Variants in EMID1 observed in about 807,000 individuals in gnomAD.
EMID1 encodes the protein EMI domain containing 1, also known as EMI domain-containing protein 1.
A neutral mutation model predicts 60.6 loss-of-function variants in EMID1; 40 were observed. The observed-to-expected ratio is 0.66, with a 90% CI of 0.51 to 0.86. The LOEUF is 0.86. Among genes scored for constraint, EMID1 ranks in the 40% least tolerant of loss-of-function variants. The probability of loss-of-function intolerance (pLI) is 0.00; values close to 1 mark genes in which losing one functional copy is unlikely to be tolerated. For missense variants in EMID1, 585 were observed against 597.1 expected (o/e 0.98, Z 0.21); for synonymous variants, 242 against 231.0 (o/e 1.05, Z -0.43).
chr22:29,232,493 TG>T, intron 8 of EMID1, 91 bp downstream of exon 8: 1 of 1,374,530 alleles, frequency 7.3e-7, no homozygotes, highest in East Asian at 2.5e-5. Context: ...GCCTTCTGTG[TG>T]CCAGCCCTGC....
chr22:29,213,850 G>A (rs770803231), intron 1 of EMID1, among the ~76,000 whole-genome samples: 29 of 152,256 alleles, frequency 1.9e-4, no homozygotes, highest in East Asian at 5.8e-4. Flanking sequence ...AGGAGAAGAC[G>A]GGAGCTGAGG....
intron 5 of EMID1, among the ~76,000 whole-genome samples, chr22:29,227,300 A>G (rs1435843301): frequency 1.3e-5 from 2 of 152,160 alleles, no homozygotes; most frequent in Non-Finnish European, 2.9e-5. Flanking sequence ...CATGTTGCCC[A>G]GGCTGGTCTT....
intron 3 of EMID1, among the ~76,000 whole-genome samples, chr22:29,218,879 A>T (rs1240942274): frequency 6.6e-6 from 1 of 152,156 alleles, no homozygotes; most frequent in Non-Finnish European, 1.5e-5. Flanking sequence ...TGGGTCTCAC[A>T]TAAGGTCACA....
In EMID1 at chr22:29,231,575, A is replaced by C. The variant is rs1041280689; in HGVS notation, c.587-18A>C. 6.5e-7 allele frequency: 1 copy of C among 1,548,624 alleles called. No homozygotes were observed. Among genetic ancestry groups the C allele is most frequent in the Non-Finnish European group, 8.7e-7 (1 of 1,145,374 alleles). On this transcript the variant is annotated intron_variant, in intron 6 of 14. Coordinates refer to ENST00000334018, the MANE Select transcript of EMID1 (RefSeq NM_133455.4). ...GAGCAGATGTGGAGCTGCCAGTCTG[A>C]TATGCTTTACCCCCCAGACCAAGTC...
chr22:29,205,956 T>C lies in EMID1; in HGVS notation c.-83T>C, dbSNP rs1007042593. The C allele has an allele frequency of 1.2e-6, 1 of 853,640 alleles. No homozygotes were observed. Among genetic ancestry groups the C allele is most frequent in the Admixed American group, 5.5e-5 (1 of 18,038 alleles). The allele number at this position is 853,640 out of a possible 1,614,324, so 52.9% of individuals were successfully genotyped here. ...CCGGGCTCCGCGCGTCCGGGGCGGCTGGCGGCGCGGGCAGGCAGGCGGGGA... is the reference window on the plus strand; with the variant it reads ...CCGGGCTCCGCGCGTCCGGGGCGGCCGGCGGCGCGGGCAGGCAGGCGGGGA... On this transcript the variant is annotated 5_prime_UTR_variant, in exon 1 of 15. Coordinates refer to ENST00000334018, the MANE Select transcript of EMID1 (RefSeq NM_133455.4).
rs1568969520 is a variant in EMID1, at chr22:29,214,955, C to T, written c.131C>T (p.Thr44Ile). Residue 44 changes from threonine to isoleucine, a missense_variant, in exon 2 of 15, where the codon ACC (threonine) becomes ATC (isoleucine). Thr to Ile is a moderately conservative substitution (Grantham distance 89, BLOSUM62 -1). Coordinates refer to ENST00000334018, the MANE Select transcript of EMID1 (RefSeq NM_133455.4). ...RNWCSYVVTRTISCHVQNGTY... is the reference protein window; with the variant it reads ...RNWCSYVVTRIISCHVQNGTY... Reference sequence around the variant, plus strand: ...TGGTGCTCCTATGTGGTGACCCGCACCATCTCATGCCATGTGCAGAATGGC... The same window carrying T: ...TGGTGCTCCTATGTGGTGACCCGCATCATCTCATGCCATGTGCAGAATGGC... 2 of 1,547,362 alleles carry T rather than the reference C, an allele frequency of 1.3e-6. No individual in the cohort carries two copies. The highest frequency in any genetic ancestry group is 1.7e-6 in the Non-Finnish European group (2 of 1,142,978).
intron 4 of EMID1, 118 bp from the exon 5 acceptor site, chr22:29,226,372 T>C: frequency 1.8e-6 from 2 of 1,120,384 alleles, no homozygotes; most frequent in Non-Finnish European, 2.5e-6. Flanking sequence ...AGGTCCCTCG[T>C]GGGTTGGGGT....
intron 1 of EMID1, among the ~76,000 whole-genome samples, chr22:29,206,463 A>G (rs1475169393): frequency 6.6e-6 from 1 of 152,108 alleles, no homozygotes; most frequent in Non-Finnish European, 1.5e-5. Context: ...GGAAAGGCCT[A>G]TGACACCCCC....
chr22:29,214,950 C>T lies in EMID1; in HGVS notation c.126C>T (p.Thr42=). ...GRRNWCSYVV[T]RTISCHVQNG... is the part of the protein sequence containing the mutation. ...GGAACTGGTGCTCCTATGTGGTGACCCGCACCATCTCATGCCATGTGCAGA... is the reference window on the plus strand; with the variant it reads ...GGAACTGGTGCTCCTATGTGGTGACTCGCACCATCTCATGCCATGTGCAGA... Residue 42 remains threonine (T), a synonymous_variant, in exon 2 of 15, where the codon ACC becomes ACT. Coordinates refer to ENST00000334018, the MANE Select transcript of EMID1 (RefSeq NM_133455.4). 1.3e-6 allele frequency: 2 copies of T among 1,545,516 alleles called. No homozygotes were observed. The highest frequency in any genetic ancestry group is 2.4e-5 in the East Asian group (1 of 41,132).
intron 12 of EMID1, 78 bp from the exon 13 acceptor site, chr22:29,243,367 T>A: frequency 6.9e-7 from 1 of 1,442,150 alleles, no homozygotes; most frequent in South Asian, 1.2e-5. Context: ...TCCCCGCTCT[T>A]TTTCCTCCCT....
chr22:29,258,988 C>T lies in EMID1; in HGVS notation c.*44C>T. ...AGGCAGACCAGGCCAGGCTTCCCCT[C>T]CTACCTGGACTCGGCCAGCTGCCTC... On this transcript the variant is annotated 3_prime_UTR_variant, in exon 15 of 15. Transcript: ENST00000334018. 5 of 1,589,788 alleles carry T rather than the reference C, an allele frequency of 3.1e-6. No homozygotes were observed. Among genetic ancestry groups the T allele is most frequent in the Non-Finnish European group, 4.3e-6 (5 of 1,169,544 alleles).
At chr22:29,245,389 C>T (rs557864757) in intron 13 of EMID1, among the ~76,000 whole-genome samples, 4 of 152,292 alleles carry the variant, frequency 2.6e-5, no homozygotes, top group East Asian at 3.9e-4. Context: ...TGAGAATCCC[C>T]GGCAGGATGC....
rs1316654455 is a variant in EMID1 at position 29,232,338 on chromosome 22, G to A, written c.759G>A (p.Gly253=). ...PGERGPPGPP[G]PPGPPGPPAP... The stretch of plus-strand genomic sequence containing the variant: ...AGAGGGGACCTCCTGGGCCACCAGG[G>A]CCTCCTGGCCCCCCTGGGCCCCCAG... The change falls in exon 8 of 15, where the codon GGG becomes GGA. Residue 253 remains glycine, a synonymous_variant. Coordinates refer to ENST00000334018, the MANE Select transcript of EMID1 (RefSeq NM_133455.4). The A allele has an allele frequency of 6.2e-6, 10 of 1,607,944 alleles. No individual in the cohort carries two copies. Among genetic ancestry groups the A allele is most frequent in the Non-Finnish European group, 8.5e-6 (10 of 1,177,984 alleles).
At chr22:29,248,182 C>A (rs1385316491) in intron 13 of EMID1, among the ~76,000 whole-genome samples, 2 of 151,202 alleles carry the variant, frequency 1.3e-5, no homozygotes, top group African/African-American at 4.9e-5. Flanking sequence ...TGGTCTCAAA[C>A]TCCTGACTTC....
chr22:29,228,084 A>G (rs1349066466), intron 5 of EMID1, among the ~76,000 whole-genome samples: 1 of 148,716 alleles, frequency 6.7e-6, no homozygotes, highest in African/African-American at 2.5e-5. Flanking sequence ...TGAACCCGGG[A>G]GGCAGAGGTT....
rs536652423 is a variant in EMID1 at position 29,216,716 on chromosome 22, G to T, written c.319+1086G>T. ...TCACAGATAGGGTGACTGAGGCCCA[G>T]TGAGGTGGAGTGGAGTGCCCAGAGG... On this transcript the variant is annotated intron_variant, in intron 3 of 14. Coordinates refer to ENST00000334018, the MANE Select transcript of EMID1 (RefSeq NM_133455.4). 33 of 948,630 alleles carry T rather than the reference G, an allele frequency of 3.5e-5. No individual in the cohort carries two copies. The South Asian group carries it at 1.3e-3, about 38-fold the overall frequency. The allele number at this position is 948,630 out of a possible 1,614,324, so 58.8% of individuals were successfully genotyped here. A position where few individuals can be genotyped will look rare whatever the true frequency, so the allele number is the denominator to read the frequency against.
intron 12 of EMID1, among the ~76,000 whole-genome samples, chr22:29,240,143 C>T (rs1165456530): frequency 6.6e-6 from 1 of 152,140 alleles, no homozygotes; most frequent in Non-Finnish European, 1.5e-5. Flanking sequence ...AGCTTGTGCC[C>T]TTGGACTGTG....
intron 14 of EMID1, among the ~76,000 whole-genome samples, chr22:29,257,058 G>A (rs1041689475): frequency 6.6e-6 from 1 of 152,164 alleles, no homozygotes; most frequent in Non-Finnish European, 1.5e-5. Context: ...GGACACATTT[G>A]AGCCACCATG....
intron 14 of EMID1, chr22:29,255,436 G>C: frequency 9.1e-7 from 1 of 1,102,374 alleles, no homozygotes; most frequent in South Asian, 2.3e-5. Context: ...TGCAGAAGGC[G>C]CCTTCCGATG....
Sources: allele counts gnomAD v4.1 joint callset (sites outside exome capture counted in the v4.1 genomes callset), GRCh38; gene constraint gnomAD v4.1.1; transcripts MANE v1.5; gene names NCBI Gene and HGNC (gene_info 2026-07-23, HGNC 2026-07-21).